Variants in FSHR observed in about 807,000 individuals in gnomAD.
The protein encoded by FSHR is follicle stimulating hormone receptor.
In FSHR, 46 loss-of-function variants were observed where a neutral mutation model predicts 52.1. That is an observed-to-expected ratio of 0.88 (90% CI 0.70 to 1.13). The LOEUF (loss-of-function observed/expected upper bound fraction) is 1.13, where lower values mean the gene tolerates loss of function less well. Ranked by LOEUF, FSHR falls within the 50% of genes most tolerant of loss-of-function variation. The pLI is 0.00. For missense variants in FSHR, 964 were observed against 834.6 expected, an observed-to-expected ratio of 1.16 and a Z score of -1.91; for synonymous variants, 399 against 309.6, an observed-to-expected ratio of 1.29 and a Z score of -3.03.
intron 1 of FSHR, among the ~76,000 whole-genome samples, chr2:49,082,228 A>G (rs1367061328): frequency 1.3e-5 from 2 of 152,206 alleles, no homozygotes; most frequent in African/African-American, 2.4e-5. Context: ...ACCCCCCAGC[A>G]GGGGCAGACT....
At chr2:49,012,530 C>T (rs904159394) in intron 4 of FSHR, among the ~76,000 whole-genome samples, 1 of 152,056 alleles carries the variant, frequency 6.6e-6, no homozygotes, top group Non-Finnish European at 1.5e-5. Flanking sequence ...ATGGCATCAA[C>T]AGGGAGAGCT....
intron 4 of FSHR, among the ~76,000 whole-genome samples, chr2:49,005,119 A>G (rs975548226): frequency 4.6e-5 from 7 of 152,168 alleles, no homozygotes; most frequent in Admixed American, 4.6e-4. Flanking sequence ...AAATTGATGG[A>G]TCAAGTGATC....
rs140282206 is a variant in FSHR at position 49,151,747 on chromosome 2, G to A, written c.152+2519C>T. ...ATACGCAAACTTGGAAGATTGTAAG[G>A]TGAATTAGAGATACTTAGTTGAACA... On this transcript the variant is annotated intron_variant, in intron 1 of 9. Coordinates refer to ENST00000406846, the MANE Select transcript of FSHR (RefSeq NM_000145.4). Among the ~76,000 whole-genome samples the A allele has an allele frequency of 3.6e-3, 548 of 152,132 alleles. 2 individuals carry two copies. Among genetic ancestry groups the A allele is most frequent in the African/African-American group, 0.013 (523 of 41,502 alleles).
Position 48,963,525 on chromosome 2 carries a change from A to G in FSHR, c.1296T>C (p.Tyr432=), listed in dbSNP as rs751201785. The change falls in exon 10 of 10, where the codon TAT becomes TAC. Residue 432 remains tyrosine (Y), a synonymous_variant. Coordinates refer to ENST00000406846, the MANE Select transcript of FSHR (RefSeq NM_000145.4). ...CTGCCCCAGTTTGCCAGTCAATGGC[A>G]TAGTTGTGATATTGGCTCTTGGTAT... is the stretch of plus-strand genomic sequence containing the variant. ...DIHTKSQYHN[Y]AIDWQTGAGC... 5.0e-6 allele frequency: 8 copies of G among 1,614,218 alleles called. 1 individual carries two copies. Among genetic ancestry groups the G allele is most frequent in the Middle Eastern group, 3.3e-4 (2 of 6,062 alleles).
intron 1 of FSHR, among the ~76,000 whole-genome samples, chr2:49,151,935 A>C (rs1374698901): frequency 1.3e-5 from 2 of 152,092 alleles, no homozygotes; most frequent in African/African-American, 4.8e-5. Context: ...GACCTGAAAT[A>C]ATTTTCCTTT....
intron 1 of FSHR, among the ~76,000 whole-genome samples, chr2:49,074,759 G>A (rs1669884227): frequency 1.3e-5 from 2 of 149,700 alleles, no homozygotes; most frequent in East Asian, 4.0e-4. Flanking sequence ...AATAGCTAAG[G>A]TATGGAATCA....
intron 1 of FSHR, among the ~76,000 whole-genome samples, chr2:49,075,991 A>T (rs1558426724): frequency 6.6e-6 from 1 of 152,220 alleles, no homozygotes; most frequent in Non-Finnish European, 1.5e-5. Flanking sequence ...ACAGAAATAT[A>T]TGCTTACAAA....
chr2:49,006,087 G>A (rs1054063766), intron 4 of FSHR, among the ~76,000 whole-genome samples: 2 of 152,086 alleles, frequency 1.3e-5, no homozygotes, highest in Non-Finnish European at 2.9e-5. Context: ...CTTCAGATTT[G>A]GGACTCAGAC....
intron 1 of FSHR, among the ~76,000 whole-genome samples, chr2:49,148,831 T>G (rs573995570): frequency 6.6e-6 from 1 of 151,906 alleles, no homozygotes; most frequent in South Asian, 2.1e-4. Context: ...CCCTGTGGAG[T>G]AGGCTCCTGT....
intron 2 of FSHR, among the ~76,000 whole-genome samples, chr2:49,024,558 A>C (rs1481794606): frequency 6.6e-6 from 1 of 152,172 alleles, no homozygotes; most frequent in Non-Finnish European, 1.5e-5. Flanking sequence ...TGAGTAAATA[A>C]TATATCCCTG....
rs539504912 is a variant in FSHR, at chr2:49,035,275, C to A, written c.225-15115G>T. 3.9e-5 allele frequency among the ~76,000 whole-genome samples: 6 copies of A among 152,342 alleles called. No individual in the cohort carries two copies. In the South Asian group the frequency reaches 1.0e-3, roughly 26 times the overall value. ...CAGGTCCTTGTATGCAACTTGCTCC[C>A]ATGAGCATGGTTTTCTTACGTGCTT... On this transcript the variant is annotated intron_variant, in intron 2 of 9. Coordinates refer to ENST00000406846, the MANE Select transcript of FSHR (RefSeq NM_000145.4).
At chr2:49,011,124 G>T (rs1387514890) in intron 4 of FSHR, among the ~76,000 whole-genome samples, 18 of 151,006 alleles carry the variant, frequency 1.2e-4, no homozygotes, top group African/African-American at 3.4e-4. Flanking sequence ...TGATGTTAGG[G>T]TGTCAATTTT....
At chr2:49,091,604 A>G (rs1407473093) in intron 1 of FSHR, among the ~76,000 whole-genome samples, 2 of 152,108 alleles carry the variant, frequency 1.3e-5, no homozygotes, top group African/African-American at 4.8e-5. Flanking sequence ...GCCAATAACA[A>G]TTTTTTTAAA....
chr2:49,133,228 G>T (rs946340570), intron 1 of FSHR, among the ~76,000 whole-genome samples: 1 of 152,120 alleles, frequency 6.6e-6, no homozygotes, highest in Non-Finnish European at 1.5e-5. Flanking sequence ...ACAGGTTGGG[G>T]TCCCCTTCTT....
chr2:48,963,187 A>G lies in FSHR; in HGVS notation c.1634T>C (p.Ile545Thr), dbSNP rs121909664. ...LVLNVLAFVV[I>T]CGCYIHIYLT... ...GTAGATGTGGATATAGCAGCCACAG[A>G]TGACCACAAAGGCCAGGACATTGAG... Residue 545 changes from isoleucine to threonine, a missense_variant, in exon 10 of 10, where the codon ATC (isoleucine) becomes ACC (threonine). By Grantham distance (89) the Ile-to-Thr change is moderately conservative. Coordinates refer to ENST00000406846, the MANE Select transcript of FSHR (RefSeq NM_000145.4). 3 of 1,614,202 alleles carry G rather than the reference A, an allele frequency of 1.9e-6. No homozygotes were observed. In the South Asian group the frequency reaches 3.3e-5, roughly 18 times the overall value.
intron 4 of FSHR, among the ~76,000 whole-genome samples, chr2:49,011,382 T>G (rs1463683139): frequency 1.3e-5 from 2 of 152,186 alleles, no homozygotes; most frequent in Non-Finnish European, 2.9e-5. Context: ...GATTGCAATG[T>G]GGTCTGAGAG....
At chr2:49,139,535 G>T (rs1231648730) in intron 1 of FSHR, among the ~76,000 whole-genome samples, 2 of 152,010 alleles carry the variant, frequency 1.3e-5, no homozygotes, top group East Asian at 1.9e-4. Flanking sequence ...GGGTTGTGAG[G>T]CATATACTTG....
chr2:49,093,941 A>G (rs1572735974), intron 1 of FSHR, among the ~76,000 whole-genome samples: 1 of 152,180 alleles, frequency 6.6e-6, no homozygotes, highest in South Asian at 2.1e-4. Context: ...TATTTTACAT[A>G]GCACATAGTT....
intron 4 of FSHR, among the ~76,000 whole-genome samples, chr2:48,999,612 A>G (rs772438577): frequency 5.3e-5 from 8 of 152,142 alleles, no homozygotes; most frequent in Non-Finnish European, 8.8e-5. Flanking sequence ...GATGCCTTCC[A>G]ACTTAGAAAC....
Sources: gnomAD v4.1 joint callset for allele counts (sites outside exome capture counted in the v4.1 genomes callset) on GRCh38, gnomAD v4.1.1 for gene constraint, MANE v1.5 for transcripts, NCBI Gene and HGNC (gene_info 2026-07-23, HGNC 2026-07-21) for gene names.